EML1: variants seen among roughly 807,000 people sequenced by gnomAD.
The protein encoded by EML1 is EMAP like 1, also known as echinoderm microtubule-associated protein-like 1.
EML1 carries 27 observed loss-of-function variants against 110.4 expected under a neutral mutation model. That is an observed-to-expected ratio of 0.24 (90% CI 0.18 to 0.34). The LOEUF (loss-of-function observed/expected upper bound fraction) is 0.34, where lower values mean the gene tolerates loss of function less well. Ranked by LOEUF, EML1 falls within the 10% of genes least tolerant of loss-of-function variation. EML1 has a pLI of 1.00. For synonymous variants in EML1, 344 were observed against 385.8 expected, an observed-to-expected ratio of 0.89 and a Z score of 1.27; for missense variants, 741 against 1,030.9, an observed-to-expected ratio of 0.72 and a Z score of 3.85.
chr14:99,936,789 A>T lies in EML1; in HGVS notation c.2095+455A>T, dbSNP rs1235992562. On this transcript the variant is annotated intron_variant, in intron 19 of 21. Coordinates refer to ENST00000262233, the MANE Select transcript of EML1 (RefSeq NM_004434.3). The surrounding 1 kb of genome is among the most constrained non-coding windows in gnomAD (Gnocchi z 5.5). The stretch of plus-strand genomic sequence containing the variant: ...CCCCTCCTCCTCCCCTCCCAACCTG[A>T]CCCTGGCCAGTCTCTGGGCCCAGGC... Among the ~76,000 whole-genome samples the T allele has an allele frequency of 1.3e-5, 2 of 151,964 alleles. No individual in the cohort carries two copies. Among genetic ancestry groups the T allele is most frequent in the Non-Finnish European group, 2.9e-5 (2 of 67,964 alleles).
intron 1 of EML1, among the ~76,000 whole-genome samples, chr14:99,822,358 A>G (rs2058278851): frequency 6.6e-6 from 1 of 152,228 alleles, no homozygotes; most frequent in South Asian, 2.1e-4. Context: ...ATGAATAATC[A>G]TTTAACAACA....
intron 11 of EML1, 56 bp from the exon 12 acceptor site, chr14:99,910,184 AAT>A: frequency 2.4e-6 from 3 of 1,245,400 alleles, no homozygotes; most frequent in Admixed American, 2.3e-5. Flanking sequence ...GGTTGTCTGG[AAT>A]ATATATATGT....
intron 1 of EML1, among the ~76,000 whole-genome samples, chr14:99,833,317 A>G (rs1170759460): frequency 6.6e-6 from 1 of 152,174 alleles, no homozygotes; most frequent in Non-Finnish European, 1.5e-5. Flanking sequence ...TCAGTTGCCC[A>G]TAAAGGTATC....
intron 2 of EML1, among the ~76,000 whole-genome samples, chr14:99,852,126 A>G (rs909937313): frequency 6.6e-6 from 1 of 152,210 alleles, no homozygotes; most frequent in Non-Finnish European, 1.5e-5. Context: ...ACAATGTTGG[A>G]AATAAAACGC....
At chr14:99,743,589 C>T (rs1010842298) in intron 1 of EML1, among the ~76,000 whole-genome samples, 7 of 152,206 alleles carry the variant, frequency 4.6e-5, no homozygotes, top group Non-Finnish European at 7.3e-5. Context: ...CAGGCCAGCA[C>T]GTGGCTCTGC....
At chr14:99,779,214 G>C (rs2140212682) in intron 1 of EML1, among the ~76,000 whole-genome samples, 1 of 151,888 alleles carries the variant, frequency 6.6e-6, no homozygotes, top group East Asian at 1.9e-4. Flanking sequence ...CCTATATTCT[G>C]TGTAGCTTTG....
chr14:99,897,215 A>C lies in EML1; in HGVS notation c.748A>C (p.Ile250Leu), dbSNP rs2059685432. Reference protein sequence around the residue: ...LLPTGETVYFIASVVVLYNVE... With the variant: ...LLPTGETVYFLASVVVLYNVE... ...TCCGACGGGAGAGACCGTCTACTTC[A>C]TCGCATCCGTGGTGGTGTTATACAA... is the stretch of plus-strand genomic sequence containing the variant. Residue 250 changes from isoleucine to leucine, a missense_variant, in exon 7 of 22, where the codon ATC becomes CTC. Ile to Leu is a conservative substitution (Grantham distance 5). This residue lies in a region of EML1 where 388 missense variants were observed against 605.6 expected (regional missense o/e 0.64). Transcript: ENST00000262233. The C allele has an allele frequency of 2.5e-6, 4 of 1,613,176 alleles. No homozygotes were observed. Among genetic ancestry groups the C allele is most frequent in the Non-Finnish European group, 3.4e-6 (4 of 1,179,602 alleles).
At chr14:99,920,741 ATT>A in intron 16 of EML1, 46 bp from the exon 17 acceptor site, 1 of 1,468,272 alleles carries the variant, frequency 6.8e-7, no homozygotes, top group Non-Finnish European at 9.4e-7. Flanking sequence ...TATAATCTTC[ATT>A]TTCTTATTAA....
intron 12 of EML1, 41 bp downstream of exon 12, chr14:99,910,382 T>C (rs1356384039): frequency 1.3e-6 from 2 of 1,487,310 alleles, no homozygotes; most frequent in African/African-American, 2.8e-5. Flanking sequence ...TTTTTGGTAA[T>C]GTTGTAAGAG....
intron 15 of EML1, among the ~76,000 whole-genome samples, chr14:99,916,997 A>G (rs1334779033): frequency 2.0e-5 from 3 of 152,174 alleles, no homozygotes; most frequent in Non-Finnish European, 4.4e-5. Context: ...ATCAAAACCT[A>G]GAACATGCCT....
At chr14:99,789,091 G>A (rs896281937), upstream of EML1, among the ~76,000 whole-genome samples, 3 of 152,028 alleles carry the variant, frequency 2.0e-5, no homozygotes, top group Non-Finnish European at 2.9e-5. Flanking sequence ...CCCACCCCTC[G>A]GCTATTGTGA....
chr14:99,876,735 C>T (rs1420416271), intron 3 of EML1, among the ~76,000 whole-genome samples: 1 of 152,174 alleles, frequency 6.6e-6, no homozygotes, highest in Non-Finnish European at 1.5e-5. Flanking sequence ...TTCCCAGAGC[C>T]CTGGCCCTAG....
At chr14:99,742,873 T>C (rs942692614) in intron 1 of EML1, among the ~76,000 whole-genome samples, 2 of 152,142 alleles carry the variant, frequency 1.3e-5, no homozygotes, top group South Asian at 4.1e-4. Context: ...CCTTATGAAC[T>C]GTGGGGCACA....
intron 1 of EML1, among the ~76,000 whole-genome samples, chr14:99,753,327 A>G (rs2057203196): frequency 6.6e-6 from 1 of 150,768 alleles, no homozygotes; most frequent in Non-Finnish European, 1.5e-5. Flanking sequence ...CATTGCAATT[A>G]AGTCCGAACC....
Position 99,740,512 on chromosome 14 carries a change from G to A in EML1, c.28+2652G>A, listed in dbSNP as rs192642181. Reference sequence around the variant, plus strand: ...TAGGGTGTCAGGAAAATTCTGCAGAGCAGGAGCACAGCAGGAGGTGGCCGG... The same window carrying A: ...TAGGGTGTCAGGAAAATTCTGCAGAACAGGAGCACAGCAGGAGGTGGCCGG... On this transcript the variant is annotated intron_variant, in intron 1 of 10. Coordinates refer to the EML1 transcript ENST00000554479. Among the ~76,000 whole-genome samples, 10 of 152,312 alleles carry A rather than the reference G, an allele frequency of 6.6e-5. 1 individual carries two copies. The East Asian group carries it at 1.9e-3, about 29-fold the overall frequency.
intron 14 of EML1, 65 bp from the exon 15 acceptor site, chr14:99,914,501 C>T (rs2060000636): frequency 1.3e-6 from 2 of 1,547,466 alleles, no homozygotes; most frequent in Non-Finnish European, 1.7e-6. Flanking sequence ...TTCGTCATCC[C>T]TTACGGCTCC....
At chr14:99,829,242 G>A (rs1038609769) in intron 1 of EML1, among the ~76,000 whole-genome samples, 2 of 152,094 alleles carry the variant, frequency 1.3e-5, no homozygotes, top group Admixed American at 6.5e-5. Flanking sequence ...ATCCTTTCCT[G>A]TGTCATCCAG....
intron 4 of EML1, among the ~76,000 whole-genome samples, chr14:99,884,503 T>C (rs1218158583): frequency 6.6e-6 from 1 of 152,168 alleles, no homozygotes; most frequent in Non-Finnish European, 1.5e-5. Flanking sequence ...AGGGCTGCTT[T>C]GCTTAATTCC....
At chr14:99,902,472 A>C (rs981557409) in intron 9 of EML1, among the ~76,000 whole-genome samples, 5 of 152,228 alleles carry the variant, frequency 3.3e-5, no homozygotes, top group African/African-American at 1.2e-4. Context: ...ACTAGAATCT[A>C]ATGACAAATG....
Sources: gnomAD v4.1 joint callset for allele counts (sites outside exome capture counted in the v4.1 genomes callset) on GRCh38, gnomAD v4.1.1 for gene constraint, gnomAD v4.1.1 regional missense constraint, Gnocchi (gnomAD v3.1) non-coding constraint, MANE v1.5 for transcripts, NCBI Gene and HGNC (gene_info 2026-07-23, HGNC 2026-07-21) for gene names.